The following ADAMTS13 variants were observed in gnomAD, a reference collection of about 807,000 sequenced individuals.
ADAMTS13 encodes the protein A disintegrin and metalloproteinase with thrombospondin motifs 13.
A neutral mutation model predicts 155.1 loss-of-function variants in ADAMTS13; 110 were observed. The ratio of observed to expected loss-of-function variants is 0.71; its 90% CI spans 0.61 to 0.83. ADAMTS13 has a LOEUF of 0.83. Ranked by LOEUF, ADAMTS13 falls within the 40% of genes least tolerant of loss-of-function variation. ADAMTS13 has a pLI of 0.00. For missense variants in ADAMTS13, 1,707 were observed against 1,891.7 expected (o/e 0.90, Z 1.81); for synonymous variants, 758 against 756.4 (o/e 1.00, Z -0.03).
intron 19 of ADAMTS13, among the ~76,000 whole-genome samples, chr9:133,443,773 C>CT (rs1010237718): frequency 7.9e-5 from 12 of 152,178 alleles, no homozygotes; most frequent in Non-Finnish European, 1.8e-4. Context: ...GTTTCCCTCT[C>CT]TGAGCTTCCG....
At chr9:133,430,725 C>G (rs1305406990) in intron 8 of ADAMTS13, among the ~76,000 whole-genome samples, 1 of 147,444 alleles carries the variant, frequency 6.8e-6, no homozygotes, top group Non-Finnish European at 1.5e-5. Flanking sequence ...CAGAGTCTCC[C>G]TCTCTGCTCA....
intron 14 of ADAMTS13, 106 bp from the exon 15 acceptor site, chr9:133,439,260 C>A: frequency 2.2e-6 from 2 of 890,642 alleles, no homozygotes; most frequent in Admixed American, 1.8e-5. Context: ...TGGAGCCAGC[C>A]CCATGGCATT....
chr9:133,421,035 GCAGT>G (rs1346337771), upstream of ADAMTS13, among the ~76,000 whole-genome samples: 1 of 152,242 alleles, frequency 6.6e-6, no homozygotes, highest in Non-Finnish European at 1.5e-5. Flanking sequence ...GGAGGCCGAG[GCAGT>G]CAGCTCACCT....
chr9:133,439,421 C>T lies in ADAMTS13; in HGVS notation c.1761C>T (p.Asn587=), dbSNP rs369872722. Residue 587 remains asparagine (N), a synonymous_variant, in exon 15 of 29, where the codon AAC becomes AAT. Transcript: ENST00000355699. ...ACCTGACCAGTGTCTACATTGCCAACCACAGGCCTCTCTTCACACACTTGG... is the reference window on the plus strand; with the variant it reads ...ACCTGACCAGTGTCTACATTGCCAATCACAGGCCTCTCTTCACACACTTGG... The part of the protein sequence containing the change: ...TPNLTSVYIA[N]HRPLFTHLAV... The T allele has an allele frequency of 1.2e-6, 2 of 1,613,970 alleles. No homozygotes were observed. Among genetic ancestry groups the T allele is most frequent in the Non-Finnish European group, 1.7e-6 (2 of 1,179,922 alleles).
In ADAMTS13 at chr9:133,456,808, G is replaced by T; in HGVS notation, c.3724+89G>T. ...GCTGCTGGGGATGGGGCCAGTCCCA[G>T]TGGGGCAGTGGGAAGATACGGAGGG... On this transcript the variant is annotated intron_variant, in intron 27 of 28. Transcript: ENST00000355699. The surrounding 1 kb of genome is among the most constrained non-coding windows in gnomAD (Gnocchi z 4.4). 1 of 1,457,232 alleles carries T rather than the reference G, an allele frequency of 6.9e-7. No individual in the cohort carries two copies. Among genetic ancestry groups the T allele is most frequent in the African/African-American group, 1.4e-5 (1 of 71,386 alleles). The allele number at this position is 1,457,232 out of a possible 1,614,324, so 90.3% of individuals were successfully genotyped here. A position where few individuals can be genotyped will look rare whatever the true frequency, so the allele number is the denominator to read the frequency against.
At chr9:133,418,700 C>A (rs587654526), upstream of ADAMTS13, among the ~76,000 whole-genome samples, 2 of 152,182 alleles carry the variant, frequency 1.3e-5, no homozygotes, top group Non-Finnish European at 2.9e-5. Flanking sequence ...GTAATCAGAA[C>A]GCAACAGAAC....
rs1842764998 is a variant in ADAMTS13 at position 133,456,649 on chromosome 9, C to T, written c.3654C>T (p.Arg1218=). 2 of 1,605,846 alleles carry T rather than the reference C, an allele frequency of 1.2e-6. No individual in the cohort carries two copies. Among genetic ancestry groups the T allele is most frequent in the Admixed American group, 1.7e-5 (1 of 58,778 alleles). ...CCAACACGCTGGTGGTGAGGCAGCG[C>T]TGCGGGCGGCCAGGAGGTGGGGTGC... ...SKTNTLVVRQ[R]CGRPGGGVLL... is the part of the protein sequence containing the mutation. The change falls in exon 27 of 29, where the codon CGC becomes CGT. Residue 1218 remains arginine (R), a synonymous_variant. Transcript: ENST00000355699. This position sits in a 1 kb window ranked among gnomAD's most constrained non-coding sequence, Gnocchi z 4.4.
Position 133,433,562 on chromosome 9 carries a change from G to A in ADAMTS13, c.1244+33G>A, listed in dbSNP as rs781963152. 29 of 1,613,796 alleles carry A rather than the reference G, an allele frequency of 1.8e-5. No individual in the cohort carries two copies. The Middle Eastern group carries it at 1.2e-3, about 64-fold the overall frequency. On this transcript the variant is annotated intron_variant, in intron 10 of 28. Transcript: ENST00000355699. ...AGGGAGGGTGCTTTTCTGTCAGGGA[G>A]TGTGGCCATACCATAGTCCCTAGTT...
upstream of ADAMTS13, chr9:133,422,052 C>G (rs1225638543): frequency 2.3e-5 from 6 of 257,736 alleles, no homozygotes; most frequent in East Asian, 6.2e-4. Context: ...AGCGGGGACC[C>G]CGGAGAGGGA....
At chr9:133,421,843 G>A (rs1839973734), upstream of ADAMTS13, among the ~76,000 whole-genome samples, 1 of 152,198 alleles carries the variant, frequency 6.6e-6, no homozygotes, top group African/African-American at 2.4e-5. Flanking sequence ...CTCTGTGGGT[G>A]TAAAAGAGTG....
At chr9:133,427,554 C>T (rs1840364850) in intron 6 of ADAMTS13, among the ~76,000 whole-genome samples, 1 of 152,138 alleles carries the variant, frequency 6.6e-6, no homozygotes. Context: ...AGCATAGTTC[C>T]CTTCTGCTCC....
At position 133,425,855 on chromosome 9, in the gene ADAMTS13, A is replaced by C. The variant is rs1366391682; in HGVS notation, c.415-83A>C. 3 of 1,587,982 alleles carry C rather than the reference A, an allele frequency of 1.9e-6. No individual in the cohort carries two copies. The highest frequency in any genetic ancestry group is 1.7e-6 in the Non-Finnish European group (2 of 1,170,320). On this transcript the variant is annotated intron_variant, in intron 4 of 28. Transcript: ENST00000355699. This position sits in a 1 kb window ranked among gnomAD's most constrained non-coding sequence, Gnocchi z 4.6. Reference sequence around the variant, plus strand: ...GGCTAGTCATAGGGTTGTTAGGAGGACTAACTGGGAAACAAACCGACCGCA... The same window carrying C: ...GGCTAGTCATAGGGTTGTTAGGAGGCCTAACTGGGAAACAAACCGACCGCA...
chr9:133,449,756 G>A, intron 22 of ADAMTS13, 27 bp from the exon 23 acceptor site: 1 of 1,613,050 alleles, frequency 6.2e-7, no homozygotes, highest in African/African-American at 1.3e-5. Flanking sequence ...GGGGCTGTTT[G>A]GGGTCCCTGA....
At chr9:133,451,043 G>A (rs190249896) in intron 23 of ADAMTS13, among the ~76,000 whole-genome samples, 124 of 152,350 alleles carry the variant, frequency 8.1e-4, no homozygotes, top group Admixed American at 6.9e-3. Context: ...GTTCAAGTCC[G>A]TGGGGTCCGG....
At chr9:133,416,601 A>C (rs977477565) in intron 1 of ADAMTS13, among the ~76,000 whole-genome samples, 2 of 152,136 alleles carry the variant, frequency 1.3e-5, no homozygotes, top group African/African-American at 2.4e-5. Flanking sequence ...ATGTGGTAAG[A>C]ATGTATGAGT....
At chr9:133,414,342 C>T (rs183879927), upstream of ADAMTS13, 176 of 552,046 alleles carry the variant, frequency 3.2e-4, no homozygotes, top group Non-Finnish European at 5.6e-4. Context: ...ACGTCAGAAA[C>T]TTGCCCCAAA....
At chr9:133,458,590 G>GCGA (rs1842897121) in intron 28 of ADAMTS13, among the ~76,000 whole-genome samples, 5 of 104,400 alleles carry the variant, frequency 4.8e-5, no homozygotes, top group African/African-American at 1.6e-4. Flanking sequence ...AAATGGTAAA[G>GCGA]AATGGTAAAG....
intron 1 of ADAMTS13, among the ~76,000 whole-genome samples, chr9:133,416,215 TCTTTTTAAACAACCAGCTCTCAA>T: frequency 1.3e-5 from 2 of 152,176 alleles, no homozygotes; most frequent in Middle Eastern, 6.8e-3. Flanking sequence ...GGTGCTAGGC[TCTTTTTAAACAACCAGCTCTCAA>T]ATGAACCAGC....
chr9:133,450,524 C>T (rs1259861639), intron 23 of ADAMTS13, among the ~76,000 whole-genome samples: 2 of 149,186 alleles, frequency 1.3e-5, no homozygotes, highest in East Asian at 2.0e-4. Flanking sequence ...AAGATTACGC[C>T]ACTGGACTCC....
Sources: gnomAD v4.1 joint callset for allele counts (sites outside exome capture counted in the v4.1 genomes callset) on GRCh38, gnomAD v4.1.1 for gene constraint, Gnocchi (gnomAD v3.1) non-coding constraint, MANE v1.5 for transcripts, NCBI Gene and HGNC (gene_info 2026-07-23, HGNC 2026-07-21) for gene names.